The following FBXW11 variants were observed in gnomAD, a reference collection of about 807,000 sequenced individuals.
FBXW11 encodes the protein F-box and WD repeat domain containing 11.
FBXW11 carries 19 observed loss-of-function variants against 77.6 expected under a neutral mutation model. The ratio of observed to expected loss-of-function variants is 0.24; its 90% CI spans 0.17 to 0.36. FBXW11 has a LOEUF of 0.36. Ranked by LOEUF, FBXW11 falls within the 10% of genes least tolerant of loss-of-function variation. FBXW11 has a pLI of 1.00. For missense variants in FBXW11, 334 were observed against 704.2 expected (o/e 0.47, Z 5.95); for synonymous variants, 235 against 249.4 (o/e 0.94, Z 0.54).
At chr5:171,877,849 C>A (rs944021353) in intron 8 of FBXW11, among the ~76,000 whole-genome samples, 162 bp downstream of exon 8, 1 of 152,198 alleles carries the variant, frequency 6.6e-6, no homozygotes, top group Non-Finnish European at 1.5e-5. Context: ...CAAAAATTAG[C>A]TTTCCTGCCT....
intron 1 of FBXW11, among the ~76,000 whole-genome samples, chr5:171,993,413 A>G (rs142532951): frequency 1.0e-3 from 154 of 152,188 alleles, no homozygotes; most frequent in African/African-American, 3.6e-3. Flanking sequence ...AGAGATCGAG[A>G]CCATCCTGGC....
chr5:171,873,314 C>T (rs1581126822), intron 9 of FBXW11, among the ~76,000 whole-genome samples: 1 of 152,182 alleles, frequency 6.6e-6, no homozygotes, highest in African/African-American at 2.4e-5. Flanking sequence ...TATGTTTTTA[C>T]ACCAGCTGAC....
intron 1 of FBXW11, among the ~76,000 whole-genome samples, chr5:171,989,944 A>G (rs992369834): frequency 2.0e-5 from 3 of 152,258 alleles, no homozygotes; most frequent in African/African-American, 7.2e-5. Context: ...GGTTGTGTGT[A>G]TGCATGTAAT....
At chr5:171,907,355 C>A (rs1760592126) in intron 4 of FBXW11, among the ~76,000 whole-genome samples, 1 of 152,138 alleles carries the variant, frequency 6.6e-6, no homozygotes, top group Non-Finnish European at 1.5e-5. Context: ...AAACCTCAAA[C>A]TCAAGATGAT....
chr5:171,910,538 A>G (rs1440961276), intron 4 of FBXW11, 34 bp downstream of exon 4: 1 of 1,544,360 alleles, frequency 6.5e-7, no homozygotes, highest in Non-Finnish European at 8.9e-7. Flanking sequence ...GCATTCTTCA[A>G]CTGCTCAGCT....
At chr5:171,875,269 AAG>A (rs1032314290) in intron 9 of FBXW11, among the ~76,000 whole-genome samples, 4 of 152,022 alleles carry the variant, frequency 2.6e-5, no homozygotes, top group African/African-American at 9.7e-5. Context: ...AAAAAAAAAA[AAG>A]AAGGGACAAA....
chr5:171,996,480 A>G (rs976239799), intron 1 of FBXW11, among the ~76,000 whole-genome samples: 2 of 152,198 alleles, frequency 1.3e-5, no homozygotes, highest in Admixed American at 1.3e-4. Flanking sequence ...CAGTCTGGGC[A>G]ACATGGTGAG....
intron 13 of FBXW11, among the ~76,000 whole-genome samples, chr5:171,867,214 G>A (rs1757454738): frequency 6.6e-6 from 1 of 152,144 alleles, no homozygotes; most frequent in African/African-American, 2.4e-5. Flanking sequence ...GGGCCATATG[G>A]TAAATATTTC....
At chr5:171,910,134 C>T (rs534377362) in intron 4 of FBXW11, among the ~76,000 whole-genome samples, 3 of 144,200 alleles carry the variant, frequency 2.1e-5, no homozygotes, top group South Asian at 2.2e-4. Flanking sequence ...GGTATGATCT[C>T]GGCTCACTGC....
intron 2 of FBXW11, among the ~76,000 whole-genome samples, chr5:171,945,519 G>A (rs1344167740): frequency 1.3e-5 from 2 of 152,124 alleles, no homozygotes; most frequent in Admixed American, 1.3e-4. Flanking sequence ...AGCTTATAAA[G>A]TTTATAAAGT....
chr5:171,900,292 C>T (rs1351210714), intron 4 of FBXW11, among the ~76,000 whole-genome samples, 192 bp from the exon 5 acceptor site: 2 of 152,110 alleles, frequency 1.3e-5, no homozygotes, highest in African/African-American at 4.8e-5. Context: ...TGATTTTTTA[C>T]GATAAAACAA....
At chr5:171,998,259 T>A (rs552248875) in intron 1 of FBXW11, among the ~76,000 whole-genome samples, 1 of 151,742 alleles carries the variant, frequency 6.6e-6, no homozygotes, top group African/African-American at 2.4e-5. Flanking sequence ...GGTAATTCCC[T>A]AGATCTTGCC....
At chr5:171,923,188 A>C (rs113158481) in intron 2 of FBXW11, among the ~76,000 whole-genome samples, 50 of 152,302 alleles carry the variant, frequency 3.3e-4, no homozygotes, top group African/African-American at 1.0e-3. Context: ...TGCTGGGATT[A>C]CAGGCTGAGT....
intron 2 of FBXW11, among the ~76,000 whole-genome samples, chr5:171,952,533 G>A (rs1265283934): frequency 2.9e-5 from 4 of 135,652 alleles, no homozygotes; most frequent in Non-Finnish European, 6.2e-5. Flanking sequence ...GCTCACTGCA[G>A]CCGCCACCTC....
intron 1 of FBXW11, among the ~76,000 whole-genome samples, chr5:171,958,927 T>C (rs1190912254): frequency 6.6e-6 from 1 of 152,036 alleles, no homozygotes; most frequent in Non-Finnish European, 1.5e-5. Flanking sequence ...GGATGACACT[T>C]ATTGTCCCCT....
At chr5:171,945,479 C>T (rs1762960811) in intron 2 of FBXW11, among the ~76,000 whole-genome samples, 1 of 152,168 alleles carries the variant, frequency 6.6e-6, no homozygotes, top group Admixed American at 6.5e-5. Context: ...GTTCAGTTTC[C>T]TCACATATAA....
intron 4 of FBXW11, chr5:171,908,820 A>G (rs1428806457): frequency 6.6e-6 from 1 of 152,172 alleles, no homozygotes; most frequent in Non-Finnish European, 1.5e-5. Context: ...TACTTAGAAC[A>G]TGAGTCTTGT....
chr5:171,997,107 C>T (rs1180485189), intron 1 of FBXW11: 3 of 1,273,796 alleles, frequency 2.4e-6, no homozygotes, highest in Non-Finnish European at 3.1e-6. Context: ...CGGCAAAGGA[C>T]AGCCTCCAAG....
chr5:171,899,881 T>G (rs915512846), intron 5 of FBXW11, 33 bp downstream of exon 5: 8 of 1,525,164 alleles, frequency 5.2e-6, no homozygotes, highest in Non-Finnish European at 6.2e-6. Context: ...TCAATAAAAT[T>G]TTTTCAAGGG....
Sources: gnomAD v4.1 joint callset for allele counts (sites outside exome capture counted in the v4.1 genomes callset) on GRCh38, gnomAD v4.1.1 for gene constraint, MANE v1.5 for transcripts, NCBI Gene and HGNC (gene_info 2026-07-23, HGNC 2026-07-21) for gene names.